The following LILRB1 variants were observed in gnomAD, a reference collection of about 807,000 sequenced individuals.
LILRB1 encodes the protein leukocyte immunoglobulin like receptor B1, also known as leukocyte immunoglobulin-like receptor subfamily B member 1.
LILRB1 carries 59 observed loss-of-function variants against 74.6 expected under a neutral mutation model. The observed-to-expected ratio is 0.79, with a 90% CI of 0.64 to 0.98. The LOEUF (loss-of-function observed/expected upper bound fraction) is 0.98, where lower values mean the gene tolerates loss of function less well. LILRB1 is among the 50% of genes least tolerant of loss of function. The pLI is 0.00. For missense variants in LILRB1, 804 were observed against 822.6 expected, an observed-to-expected ratio of 0.98 and a Z score of 0.28; for synonymous variants, 328 against 333.9, an observed-to-expected ratio of 0.98 and a Z score of 0.19.
At chr19:54,634,265 C>A in intron 9 of LILRB1, 2 of 1,521,220 alleles carry the variant, frequency 1.3e-6, no homozygotes, top group Non-Finnish European at 1.8e-6. Context: ...CCCGATTCCG[C>A]GGGGGCCTGT....
intron 12 of LILRB1, 106 bp downstream of exon 12, chr19:54,635,402 T>A (rs10422981): frequency 3.9e-6 from 6 of 1,532,100 alleles, no homozygotes; most frequent in Non-Finnish European, 5.4e-6. Flanking sequence ...GGGCTCAGGG[T>A]GAGATCATCT....
rs1599880263 is a variant in LILRB1, at chr19:54,637,811, G to A, written c.*933G>A. ...AGACAGCCCTACAGATCGTACACAC[G>A]TTTTCCAAAACTAACAATGGAACAG... is the stretch of plus-strand genomic sequence containing the variant. On this transcript the variant is annotated 3_prime_UTR_variant, in exon 15 of 15. Coordinates refer to ENST00000324602, the MANE Select transcript of LILRB1 (RefSeq NM_001081637.3). 1.3e-5 allele frequency among the ~76,000 whole-genome samples: 2 copies of A among 152,252 alleles called. No individual in the cohort carries two copies. Among genetic ancestry groups the A allele is most frequent in the Non-Finnish European group, 1.5e-5 (1 of 68,016 alleles).
upstream of LILRB1, among the ~76,000 whole-genome samples, chr19:54,626,545 T>C (rs2063594482): frequency 6.6e-6 from 1 of 152,270 alleles, no homozygotes; most frequent in Admixed American, 6.5e-5. Flanking sequence ...CTCTGATGAC[T>C]AATGAAAAAT....
At chr19:54,625,125 C>T (rs1308440531) in intron 1 of LILRB1, among the ~76,000 whole-genome samples, 1 of 137,254 alleles carries the variant, frequency 7.3e-6, no homozygotes, top group Admixed American at 7.2e-5. Context: ...GCAGTGACTG[C>T]AAAGGGCTTG....
In LILRB1 at chr19:54,637,766, C is replaced by T. The variant is rs1169117090; in HGVS notation, c.*888C>T. Among the ~76,000 whole-genome samples the T allele has an allele frequency of 1.3e-5, 2 of 152,092 alleles. No individual in the cohort carries two copies. The highest frequency in any genetic ancestry group is 4.8e-5 in the African/African-American group (2 of 41,400). On this transcript the variant is annotated 3_prime_UTR_variant, in exon 15 of 15. Transcript: ENST00000324602. The stretch of plus-strand genomic sequence containing the variant: ...AGAAAGAAAGAGCAGGCATGCATTT[C>T]CATATGGGAGTGAGCCAGCAGACAG...
upstream of LILRB1, among the ~76,000 whole-genome samples, chr19:54,627,640 A>G (rs200029935): frequency 5.9e-5 from 9 of 152,320 alleles, no homozygotes; most frequent in East Asian, 9.6e-4. Flanking sequence ...ACTGACAGCA[A>G]CTCTGGCTTT....
upstream of LILRB1, among the ~76,000 whole-genome samples, chr19:54,625,453 C>A (rs1317813672): frequency 6.6e-6 from 1 of 152,138 alleles, no homozygotes; most frequent in African/African-American, 2.4e-5. Flanking sequence ...TCCAGAGGCG[C>A]CTCTGCACCA....
chr19:54,629,152 A>G (rs2063683670), upstream of LILRB1, among the ~76,000 whole-genome samples: 4 of 152,188 alleles, frequency 2.6e-5, no homozygotes, highest in South Asian at 8.3e-4. Context: ...AACGGGGGTC[A>G]AAACTGTAGC....
chr19:54,635,711 C>T (rs759703515), intron 13 of LILRB1, 102 bp downstream of exon 13: 131 of 1,324,772 alleles, frequency 9.9e-5, no homozygotes, highest in Non-Finnish European at 1.3e-4. Flanking sequence ...AGCATCGTCA[C>T]GGTGGACCCC....
At chr19:54,628,284 T>C (rs1600337714), upstream of LILRB1, among the ~76,000 whole-genome samples, 1 of 152,234 alleles carries the variant, frequency 6.6e-6, no homozygotes, top group African/African-American at 2.4e-5. Flanking sequence ...TAGGCTAAAT[T>C]GTGGGAGCTA....
upstream of LILRB1, among the ~76,000 whole-genome samples, chr19:54,626,384 A>G (rs74468741): frequency 0.033 from 5,052 of 152,284 alleles, 106 homozygotes; most frequent in South Asian, 0.054. Flanking sequence ...TAAAAATGTC[A>G]ACCATTTTCT....
Position 54,631,369 on chromosome 19 carries a change from T to G in LILRB1, c.70+63T>G, listed in dbSNP as rs2063824973. 3.1e-6 allele frequency: 5 copies of G among 1,613,434 alleles called. No homozygotes were observed. The South Asian group carries it at 4.4e-5, about 14-fold the overall frequency. ...CACTGGGGACAAGGGGCCACCCCCG[T>G]GCCGCTGGGGATGGGGAATAGCAGT... On this transcript the variant is annotated intron_variant, in intron 3 of 14. Transcript: ENST00000324602.
chr19:54,632,869 G>C, intron 6 of LILRB1, 109 bp downstream of exon 6: 1 of 1,519,248 alleles, frequency 6.6e-7, no homozygotes, highest in Non-Finnish European at 8.9e-7. Context: ...AAGGGAGGGA[G>C]AGACAGACAG....
At chr19:54,633,788 C>A in intron 8 of LILRB1, 100 bp downstream of exon 8, 1 of 1,486,092 alleles carries the variant, frequency 6.7e-7, no homozygotes, top group Non-Finnish European at 9.1e-7. Context: ...CTCGAGCTTC[C>A]CTCCAGGGAG....
At chr19:54,621,447 G>A (rs944030986) in intron 1 of LILRB1, among the ~76,000 whole-genome samples, 3 of 151,778 alleles carry the variant, frequency 2.0e-5, no homozygotes, top group African/African-American at 7.3e-5. Context: ...ATTTTTTAAT[G>A]TGTTTGTTGG....
At chr19:54,620,393 T>G (rs1273435587) in intron 1 of LILRB1, among the ~76,000 whole-genome samples, 1 of 152,146 alleles carries the variant, frequency 6.6e-6, no homozygotes, top group East Asian at 1.9e-4. Flanking sequence ...CTTGCTCTGT[T>G]GCCCAGGCTG....
chr19:54,629,972 A>G (rs918843549), upstream of LILRB1, among the ~76,000 whole-genome samples: 2 of 152,106 alleles, frequency 1.3e-5, no homozygotes, highest in African/African-American at 4.8e-5. Context: ...TCAATCACCT[A>G]CGTAGACTGT....
intron 8 of LILRB1, 80 bp downstream of exon 8, chr19:54,633,768 C>G (rs548418838): frequency 6.6e-7 from 1 of 1,512,160 alleles, no homozygotes; most frequent in East Asian, 2.4e-5. Context: ...AATCCCATTC[C>G]CCTCAAAGAC....
chr19:54,631,521 T>C lies in LILRB1; in HGVS notation c.92T>C (p.Leu31Pro). 6.2e-7 allele frequency: 1 copy of C among 1,613,524 alleles called. No homozygotes were observed. The stretch of plus-strand genomic sequence containing the variant: ...CCAGGGCACCTCCCCAAGCCCACCC[T>C]CTGGGCTGAACCAGGCTCTGTGATC... ...VQAGHLPKPT[L>P]WAEPGSVITQ... Residue 31 changes from leucine (L) to proline (P), a missense_variant, in exon 4 of 15, where the codon CTC (leucine) becomes CCC (proline). Leu to Pro is a moderately conservative substitution (Grantham distance 98). Transcript: ENST00000324602.
Sources: allele counts gnomAD v4.1 joint callset (sites outside exome capture counted in the v4.1 genomes callset), GRCh38; gene constraint gnomAD v4.1.1; transcripts MANE v1.5; gene names NCBI Gene and HGNC (gene_info 2026-07-23, HGNC 2026-07-21).